The following FAM120C variants were observed in gnomAD, a reference collection of about 807,000 sequenced individuals.
FAM120C encodes the protein constitutive coactivator of PPAR-gamma-like protein 2.
In FAM120C, 14 loss-of-function variants were observed where a neutral mutation model predicts 71.2. The ratio of observed to expected loss-of-function variants is 0.20; its 90% confidence interval spans 0.13 to 0.31. The LOEUF (loss-of-function observed/expected upper bound fraction) is 0.31. Ranked by LOEUF, FAM120C falls within the 10% of genes least tolerant of loss-of-function variation. The probability of loss-of-function intolerance (pLI) is 1.00; values close to 1 mark genes in which losing one functional copy is unlikely to be tolerated. For missense variants in FAM120C, 500 were observed against 879.0 expected (o/e 0.57, Z 5.45); for synonymous variants, 354 against 353.2 (o/e 1.00, Z -0.03).
At chrX:54,148,703 T>A (rs1188934588) in intron 4 of FAM120C, among the ~76,000 whole-genome samples, 1 of 111,637 alleles carries the variant, frequency 9.0e-6, no homozygotes, top group African/African-American at 3.2e-5. Context: ...TATGACGAGC[T>A]ACCACTACGC....
intron 3 of FAM120C, among the ~76,000 whole-genome samples, chrX:54,154,068 C>T (rs781823287): frequency 9.2e-6 from 1 of 108,623 alleles, no homozygotes; most frequent in African/African-American, 3.4e-5. Flanking sequence ...GGTCGCTCTC[C>T]TGTTATATTG....
At position 54,181,306 on chromosome X, in the gene FAM120C, C is replaced by T. The variant is rs185632778; in HGVS notation, c.699+1194G>A. ...TAACTGTAAGGACAACCCCCAAGAA[C>T]CTTGGTTGGGGAAATAGGTTTGCGG... is the stretch of plus-strand genomic sequence containing the variant. On this transcript the variant is annotated intron_variant, in intron 1 of 15. Transcript: ENST00000375180. Among the ~76,000 whole-genome samples, 9 of 111,389 alleles carry T rather than the reference C, an allele frequency of 8.1e-5. No individual in the cohort carries two copies. The East Asian group carries it at 2.0e-3, about 24-fold the overall frequency.
chrX:54,129,612 C>T (rs1557128895), intron 9 of FAM120C, among the ~76,000 whole-genome samples: 3 of 111,906 alleles, frequency 2.7e-5, no homozygotes, highest in East Asian at 2.9e-4. Context: ...ACTTCCCAGA[C>T]GGGGTGGTGG....
At chrX:54,151,705 T>C (rs1052421582) in intron 3 of FAM120C, among the ~76,000 whole-genome samples, 21 of 111,596 alleles carry the variant, frequency 1.9e-4, no homozygotes, top group Non-Finnish European at 3.6e-4. Context: ...ACATTTGGAT[T>C]CTGATTTGAA....
intron 10 of FAM120C, among the ~76,000 whole-genome samples, chrX:54,115,628 C>G (rs2066963930): frequency 9.0e-6 from 1 of 111,635 alleles, no homozygotes; most frequent in African/African-American, 3.3e-5. Context: ...CAAAGAGACA[C>G]AGACATCTAT....
intron 1 of FAM120C, among the ~76,000 whole-genome samples, chrX:54,179,937 T>C: frequency 8.9e-6 from 1 of 112,101 alleles, no homozygotes; most frequent in Non-Finnish European, 1.9e-5. Context: ...TTCAAACACA[T>C]GGCAAAGTTG....
At chrX:54,110,406 G>A (rs1454717835) in intron 10 of FAM120C, among the ~76,000 whole-genome samples, 1 of 110,431 alleles carries the variant, frequency 9.1e-6, no homozygotes, top group Non-Finnish European at 1.9e-5. Context: ...ACTTCTCAGT[G>A]AAGGGAGAAG....
At chrX:54,131,216 T>A (rs2067064226) in intron 9 of FAM120C, among the ~76,000 whole-genome samples, 2 of 111,614 alleles carry the variant, frequency 1.8e-5, no homozygotes, top group South Asian at 7.5e-4. Context: ...AAACAAAAAA[T>A]TCATGGGAGA....
chrX:54,087,275 T>C (rs782581870), intron 12 of FAM120C, among the ~76,000 whole-genome samples: 8 of 101,750 alleles, frequency 7.9e-5, no homozygotes, highest in African/African-American at 2.5e-4. Flanking sequence ...GTCACGCCAC[T>C]GCATTCCAGC....
At chrX:54,164,051 G>T (rs2067247887) in intron 1 of FAM120C, among the ~76,000 whole-genome samples, 1 of 109,462 alleles carries the variant, frequency 9.1e-6, no homozygotes, top group Non-Finnish European at 1.9e-5. Context: ...TCCTGCCTTA[G>T]CCCCCCTAGT....
intron 9 of FAM120C, 25 bp downstream of exon 9, chrX:54,132,667 T>C (rs781849985): frequency 1.3e-5 from 15 of 1,162,251 alleles, no homozygotes; most frequent in Non-Finnish European, 1.7e-5. Context: ...GCTGAGAGAA[T>C]TGTCATAGCT....
Position 54,131,460 on chromosome X carries a change from C to T in FAM120C, c.2062+1232G>A, listed in dbSNP as rs1185382131. On this transcript the variant is annotated intron_variant, in intron 9 of 15. Coordinates refer to ENST00000375180, the MANE Select transcript of FAM120C (RefSeq NM_017848.6). ...ATTTTTTTTTTTTTTTTTTCTGAGACGGAGTTTCGCTCTTGTTGCCGAGGC... is the reference window on the plus strand; with the variant it reads ...ATTTTTTTTTTTTTTTTTTCTGAGATGGAGTTTCGCTCTTGTTGCCGAGGC... Among the ~76,000 whole-genome samples the T allele has an allele frequency of 1.6e-3, 160 of 101,812 alleles. 2 individuals carry two copies. The highest frequency in any genetic ancestry group is 5.3e-3 in the African/African-American group (144 of 27,322). The allele number at this position is 101,812 out of a possible 115,157, so 88.4% of individuals were successfully genotyped here. A position where few individuals can be genotyped will look rare whatever the true frequency, so the allele number is the denominator to read the frequency against.
rs782746778 is a variant in FAM120C, at chrX:54,135,027, C to T, written c.1420G>A (p.Ala474Thr). The T allele has an allele frequency of 8.3e-7, 1 of 1,211,478 alleles. No individual in the cohort carries two copies. Among genetic ancestry groups the T allele is most frequent in the Non-Finnish European group, 1.1e-6 (1 of 895,214 alleles). Residue 474 changes from alanine to threonine, a missense_variant, in exon 7 of 16, where the codon GCT becomes ACT. Physicochemically the swap from Ala to Thr is moderately conservative, Grantham distance 58. This residue lies in a region of FAM120C where 85 missense variants were observed against 84.9 expected (regional missense o/e 1.00). Transcript: ENST00000375180. The part of the protein sequence containing the change: ...PNSSLLFSSH[A>T]LGESHAFSED... Reference sequence around the variant, plus strand: ...GAAAAAGCATGGGATTCCCCCAAAGCATGGGAGGAGAAGAGAAGAGATGAG... The same window carrying T: ...GAAAAAGCATGGGATTCCCCCAAAGTATGGGAGGAGAAGAGAAGAGATGAG...
intron 1 of FAM120C, among the ~76,000 whole-genome samples, chrX:54,178,550 C>T (rs1358197843): frequency 3.6e-5 from 4 of 111,918 alleles, no homozygotes; most frequent in African/African-American, 1.3e-4. Flanking sequence ...CTCAGTTACT[C>T]AACTGTAAAA....
chrX:54,167,824 C>T (rs923737118), intron 1 of FAM120C, among the ~76,000 whole-genome samples: 9 of 108,282 alleles, frequency 8.3e-5, no homozygotes, highest in Non-Finnish European at 1.5e-4. Flanking sequence ...AAAAATTAGC[C>T]GGGTGTGGTG....
intron 10 of FAM120C, among the ~76,000 whole-genome samples, chrX:54,106,352 G>A (rs1557124856): frequency 8.9e-6 from 1 of 111,959 alleles, no homozygotes; most frequent in African/African-American, 3.2e-5. Context: ...AAACTGGCTA[G>A]CCATATGTAG....
chrX:54,097,883 C>T lies in FAM120C; in HGVS notation c.2313-6457G>A, dbSNP rs915476221. 1.5e-4 allele frequency among the ~76,000 whole-genome samples: 16 copies of T among 109,770 alleles called. No homozygotes were observed. The East Asian group carries it at 3.2e-3, about 22-fold the overall frequency. ...CTGGGACTACAGGCGCCCGCTACCA[C>T]GCCCGGCTAATTTTTTGTATTTTTA... On this transcript the variant is annotated intron_variant, in intron 10 of 15. Coordinates refer to ENST00000375180, the MANE Select transcript of FAM120C (RefSeq NM_017848.6).
At chrX:54,179,911 T>C (rs1245106160) in intron 1 of FAM120C, among the ~76,000 whole-genome samples, 2 of 112,104 alleles carry the variant, frequency 1.8e-5, no homozygotes, top group Non-Finnish European at 3.8e-5. Flanking sequence ...TTCCCCAACA[T>C]TTTATTATGA....
chrX:54,076,275 G>A (rs1439066046), intron 15 of FAM120C, among the ~76,000 whole-genome samples: 3 of 109,024 alleles, frequency 2.8e-5, no homozygotes, highest in Non-Finnish European at 5.7e-5. Context: ...GGAGGCGGAG[G>A]TTGCAGTGAG....
Sources: gnomAD v4.1 joint callset for allele counts (sites outside exome capture counted in the v4.1 genomes callset) on GRCh38, gnomAD v4.1.1 for gene constraint, gnomAD v4.1.1 regional missense constraint, MANE v1.5 for transcripts, NCBI Gene and HGNC (gene_info 2026-07-23, HGNC 2026-07-21) for gene names.